DOCK4: variants seen among roughly 807,000 people sequenced by gnomAD.
DOCK4 encodes dedicator of cytokinesis 4, also known as dedicator of cytokinesis protein 4.
DOCK4 carries 97 observed loss-of-function variants against 268.1 expected under a neutral mutation model. The ratio of observed to expected loss-of-function variants is 0.36; its 90% confidence interval spans 0.31 to 0.43. DOCK4 has a LOEUF of 0.43. Ranked by LOEUF, DOCK4 falls within the 20% of genes least tolerant of loss-of-function variation. The pLI, the probability that DOCK4 is intolerant of heterozygous loss-of-function variation, is 1.00. For synonymous variants in DOCK4, 954 were observed against 887.2 expected, an observed-to-expected ratio of 1.08 and a Z score of -1.34; for missense variants, 2,145 against 2,455.7, an observed-to-expected ratio of 0.87 and a Z score of 2.67.
At chr7:112,167,653 T>C (rs779580802) in intron 1 of DOCK4, among the ~76,000 whole-genome samples, 2 of 152,224 alleles carry the variant, frequency 1.3e-5, no homozygotes, top group Admixed American at 6.5e-5. Flanking sequence ...ATGCTTATTA[T>C]CATCCTTTGG....
At chr7:111,869,816 G>A (rs1806266292) in intron 20 of DOCK4, among the ~76,000 whole-genome samples, 161 bp from the exon 21 acceptor site, 1 of 152,166 alleles carries the variant, frequency 6.6e-6, no homozygotes, top group Admixed American at 6.5e-5. Flanking sequence ...TAAATCTGCA[G>A]ATCAACACTG....
intron 36 of DOCK4, among the ~76,000 whole-genome samples, chr7:111,771,977 C>A (rs546596285): frequency 6.6e-6 from 1 of 152,162 alleles, no homozygotes; most frequent in African/African-American, 2.4e-5. Flanking sequence ...CTGATCATTT[C>A]GAAGAATTAG....
In DOCK4 at chr7:111,851,775, A is replaced by T. The variant is rs74440668; in HGVS notation, c.2474-4649T>A. Among the ~76,000 whole-genome samples, 1,475 of 152,200 alleles carry T rather than the reference A, an allele frequency of 9.7e-3. 22 individuals carry two copies. The highest frequency in any genetic ancestry group is 0.031 in the African/African-American group (1,294 of 41,524). ...TCCTCCTGGGATTGTTTTACGGATCATATTAGCTAGCAGTGCTTGGAATGC... is the reference window on the plus strand; with the variant it reads ...TCCTCCTGGGATTGTTTTACGGATCTTATTAGCTAGCAGTGCTTGGAATGC... On this transcript the variant is annotated intron_variant, in intron 23 of 52. Coordinates refer to ENST00000428084, the MANE Select transcript of DOCK4 (RefSeq NM_001363540.2).
intron 8 of DOCK4, among the ~76,000 whole-genome samples, chr7:111,948,272 G>A (rs1795781318): frequency 6.6e-6 from 1 of 152,106 alleles, no homozygotes; most frequent in Non-Finnish European, 1.5e-5. Context: ...TTTTACTCAA[G>A]GTCACAGAGA....
At chr7:111,955,654 A>G (rs1483779572) in intron 8 of DOCK4, among the ~76,000 whole-genome samples, 3 of 152,248 alleles carry the variant, frequency 2.0e-5, no homozygotes, top group African/African-American at 7.2e-5. Context: ...TAGGAAAGGT[A>G]AAATTTTAGG....
At chr7:111,829,798 C>T (rs945824035) in intron 26 of DOCK4, among the ~76,000 whole-genome samples, 4 of 152,122 alleles carry the variant, frequency 2.6e-5, no homozygotes, top group East Asian at 1.9e-4. Context: ...TCCTTTACTA[C>T]GATATCAAAA....
intron 12 of DOCK4, among the ~76,000 whole-genome samples, chr7:111,920,831 G>C (rs1377012497): frequency 6.6e-6 from 1 of 151,916 alleles, no homozygotes; most frequent in African/African-American, 2.4e-5. Context: ...ATGGATTATA[G>C]GTATGATAGG....
intron 1 of DOCK4, among the ~76,000 whole-genome samples, chr7:112,168,022 C>A (rs1450478712): frequency 2.0e-5 from 3 of 150,784 alleles, no homozygotes; most frequent in Non-Finnish European, 4.4e-5. Context: ...TTTTTGGAAT[C>A]ATTGAATCTA....
At chr7:111,767,159 T>C in intron 37 of DOCK4, 41 bp from the exon 38 acceptor site, 3 of 1,551,240 alleles carry the variant, frequency 1.9e-6, no homozygotes, top group South Asian at 1.1e-5. Context: ...CATCTGACAA[T>C]ATCCACTTAC....
intron 2 of DOCK4, among the ~76,000 whole-genome samples, chr7:112,001,925 A>G (rs1161190921): frequency 6.6e-6 from 1 of 152,194 alleles, no homozygotes; most frequent in Admixed American, 6.5e-5. Flanking sequence ...CTATCCTTAC[A>G]TGTCTTTTTA....
At chr7:111,993,289 T>C (rs745929843) in intron 5 of DOCK4, among the ~76,000 whole-genome samples, 61 of 152,246 alleles carry the variant, frequency 4.0e-4, no homozygotes, top group Non-Finnish European at 7.9e-4. Flanking sequence ...CGTTTGTATT[T>C]TGAATTAATC....
At chr7:111,796,911 T>C (rs542663495) in intron 30 of DOCK4, among the ~76,000 whole-genome samples, 8 of 152,296 alleles carry the variant, frequency 5.3e-5, no homozygotes, top group South Asian at 4.1e-4. Flanking sequence ...CCTTCAACCA[T>C]GGGCAGCACG....
intron 22 of DOCK4, among the ~76,000 whole-genome samples, chr7:111,866,263 C>A (rs1396033433): frequency 6.6e-6 from 1 of 152,218 alleles, no homozygotes; most frequent in Non-Finnish European, 1.5e-5. Flanking sequence ...CCCAAATACA[C>A]AGAGGCAAAG....
At chr7:111,815,154 T>C (rs144162437) in intron 27 of DOCK4, among the ~76,000 whole-genome samples, 149 of 152,340 alleles carry the variant, frequency 9.8e-4, no homozygotes, top group African/African-American at 3.4e-3. Flanking sequence ...GTATCTAATG[T>C]GGCATGTGGG....
At chr7:112,144,081 C>CAA (rs1815198870) in intron 1 of DOCK4, among the ~76,000 whole-genome samples, 1 of 152,136 alleles carries the variant, frequency 6.6e-6, no homozygotes, top group Non-Finnish European at 1.5e-5. Flanking sequence ...TTTTGGGGGA[C>CAA]TCAGTTTCCT....
chr7:112,099,383 A>G (rs1810464364), intron 1 of DOCK4, among the ~76,000 whole-genome samples: 2 of 151,726 alleles, frequency 1.3e-5, no homozygotes, highest in Admixed American at 1.3e-4. Flanking sequence ...AATGCGACCC[A>G]CCACACACAT....
intron 24 of DOCK4, among the ~76,000 whole-genome samples, 185 bp downstream of exon 24, chr7:111,846,814 G>A (rs1804145981): frequency 6.6e-6 from 1 of 152,094 alleles, no homozygotes; most frequent in African/African-American, 2.4e-5. Flanking sequence ...AGGTTATTTG[G>A]GGTTACAGAA....
intron 1 of DOCK4, among the ~76,000 whole-genome samples, chr7:112,080,675 T>C (rs960216404): frequency 1.3e-4 from 20 of 152,220 alleles, no homozygotes; most frequent in Admixed American, 1.1e-3. Flanking sequence ...TGGTAGACTT[T>C]TGTTTTCACC....
In DOCK4 at chr7:111,739,421, T is replaced by G; in HGVS notation, c.5097A>C (p.Thr1699=). The stretch of plus-strand genomic sequence containing the variant: ...CTCTGGCACTCGATGGAGCAGAACT[T>G]GTCACATTAGGTGAAGCCGAGTGAG... The part of the protein sequence containing the change: ...SSTHSASPNV[T]SSAPSSARAS... Residue 1699 remains threonine, a synonymous_variant, in exon 48 of 53, where the codon ACA becomes ACC. Coordinates refer to ENST00000428084, the MANE Select transcript of DOCK4 (RefSeq NM_001363540.2). The G allele has an allele frequency of 6.3e-7, 1 of 1,585,142 alleles. No homozygotes were observed. The highest frequency in any genetic ancestry group is 1.2e-5 in the South Asian group (1 of 86,746).
Sources: gnomAD v4.1 joint callset for allele counts (sites outside exome capture counted in the v4.1 genomes callset) on GRCh38, gnomAD v4.1.1 for gene constraint, MANE v1.5 for transcripts, NCBI Gene and HGNC (gene_info 2026-07-23, HGNC 2026-07-21) for gene names.